The following NTRK1 variants were observed in gnomAD, a reference collection of about 807,000 sequenced individuals.
NTRK1 encodes high affinity nerve growth factor receptor.
NTRK1 carries 62 observed loss-of-function variants against 86.8 expected under a neutral mutation model. The ratio of observed to expected loss-of-function variants is 0.71; its 90% confidence interval spans 0.58 to 0.88. The LOEUF (loss-of-function observed/expected upper bound fraction) is 0.88, where lower values mean the gene tolerates loss of function less well. Among genes scored for constraint, NTRK1 ranks in the 40% least tolerant of loss-of-function variants. The pLI is 0.00. For synonymous variants in NTRK1, 469 were observed against 456.6 expected, an observed-to-expected ratio of 1.03 and a Z score of -0.35; for missense variants, 967 against 1,078.4, an observed-to-expected ratio of 0.90 and a Z score of 1.45.
chr1:156,869,123 GT>G (rs1408163953), intron 6 of NTRK1, among the ~76,000 whole-genome samples: 27 of 147,510 alleles, frequency 1.8e-4, no homozygotes, highest in African/African-American at 6.8e-4. Context: ...CCAGGCTGGA[GT>G]GCAGTGGCGC....
chr1:156,838,251 A>G (rs1274631411), intron 1 of NTRK1, among the ~76,000 whole-genome samples: 1 of 151,944 alleles, frequency 6.6e-6, no homozygotes, highest in African/African-American at 2.4e-5. Flanking sequence ...TATGAGATCC[A>G]TAGTCCCCAG....
At chr1:156,876,345 A>C (rs2102918731) in intron 13 of NTRK1, 55 bp from the exon 14 acceptor site, 1 of 1,611,344 alleles carries the variant, frequency 6.2e-7, no homozygotes, top group South Asian at 1.1e-5. Flanking sequence ...CCCTGGGTGA[A>C]CAGCAGTGAG....
chr1:156,821,572 G>A (rs1486350892), intron 1 of NTRK1, among the ~76,000 whole-genome samples: 1 of 151,914 alleles, frequency 6.6e-6, no homozygotes, highest in Admixed American at 6.6e-5. Context: ...AAGAAGGTGG[G>A]GAAAGGTGTT....
At chr1:156,865,722 G>A (rs1271161268) in intron 3 of NTRK1, among the ~76,000 whole-genome samples, 29 of 152,174 alleles carry the variant, frequency 1.9e-4, no homozygotes, top group Admixed American at 1.9e-3. Context: ...GGATGGGCAG[G>A]AGAGACTATC....
At chr1:156,817,047 T>TTCTCTCTCCCTCTCTCTCTCTCTC (rs1654010284) in intron 1 of NTRK1, among the ~76,000 whole-genome samples, 1 of 113,782 alleles carries the variant, frequency 8.8e-6, no homozygotes, top group Non-Finnish European at 1.8e-5. Context: ...GAACTTCCCT[T>TTCTCTCTCCCTCTCTCTCTCTCTC]TCTCTCTCTC....
At chr1:156,866,650 C>A (rs893149992) in intron 3 of NTRK1, among the ~76,000 whole-genome samples, 1 of 152,122 alleles carries the variant, frequency 6.6e-6, no homozygotes, top group African/African-American at 2.4e-5. Context: ...TCCCTCAGAT[C>A]CCCCTCCCTG....
Position 156,879,282 on chromosome 1 carries a change from T to C in NTRK1, c.1966T>C (p.Cys656Arg). The C allele has an allele frequency of 6.2e-7, 1 of 1,613,786 alleles. No individual in the cohort carries two copies. The highest frequency in any genetic ancestry group is 8.5e-7 in the Non-Finnish European group (1 of 1,180,014). The change falls in exon 15 of 17, where the codon TGT becomes CGT. Residue 656 changes from cysteine (C) to arginine (R), a missense_variant. Transcript: ENST00000524377. ...FVHRDLATRN[C>R]LVGQGLVVKI... Reference sequence around the variant, plus strand: ...GCACCGGGACCTGGCCACACGCAACTGTCTAGTGGGCCAGGGACTGGTGGT... The same window carrying C: ...GCACCGGGACCTGGCCACACGCAACCGTCTAGTGGGCCAGGGACTGGTGGT...
rs777003922 is a variant in NTRK1 at position 156,881,614 on chromosome 1, C to G, written c.2363C>G (p.Pro788Arg). 1 of 1,610,028 alleles carries G rather than the reference C, an allele frequency of 6.2e-7. No individual in the cohort carries two copies. The highest frequency in any genetic ancestry group is 1.1e-5 in the South Asian group (1 of 90,322). ...HARLQALAQA[P>R]PVYLDVLG ...CGGCTGCAAGCCCTGGCCCAGGCACCTCCTGTCTACCTGGATGTCCTGGGC... is the reference window on the plus strand; with the variant it reads ...CGGCTGCAAGCCCTGGCCCAGGCACGTCCTGTCTACCTGGATGTCCTGGGC... Residue 788 changes from proline to arginine, a missense_variant, in exon 17 of 17, where the codon CCT (proline) becomes CGT (arginine). Pro to Arg is a moderately radical substitution (Grantham distance 103). Coordinates refer to ENST00000524377, the MANE Select transcript of NTRK1 (RefSeq NM_002529.4).
rs1647931908 is a variant in NTRK1, at chr1:156,876,568, C to T, written c.1801C>T (p.Leu601Phe). 2 of 1,611,646 alleles carry T rather than the reference C, an allele frequency of 1.2e-6. No individual in the cohort carries two copies. Among genetic ancestry groups the T allele is most frequent in the Non-Finnish European group, 1.7e-6 (2 of 1,179,518 alleles). ...GCGGCACGGGGACCTCAACCGCTTC[C>T]TCCGGTACCAGCACCTGGCCTCAGC... ...YMRHGDLNRF[L>F]RSHGPDAKLL... is the part of the protein sequence containing the mutation. Residue 601 changes from leucine to phenylalanine, a missense_variant, in exon 14 of 17, where the codon CTC becomes TTC. By Grantham distance (22) the Leu-to-Phe change is conservative. Around this residue, in one of 2 missense-constraint regions of NTRK1, gnomAD observed 637 missense variants for 776.5 expected, o/e 0.82. Coordinates refer to ENST00000524377, the MANE Select transcript of NTRK1 (RefSeq NM_002529.4).
rs2102917321 is a variant in NTRK1, at chr1:156,876,114, C to A, written c.1536C>A (p.Leu512=). The part of the protein sequence containing the change: ...VHHIKRRDIV[L]KWELGEGAFG... ...ACATCAAGCGCCGGGACATCGTGCT[C>A]AAGTGGGAGCTGGGGGAGGGCGCCT... The change falls in exon 13 of 17, where the codon CTC becomes CTA. Residue 512 remains leucine (L), a synonymous_variant. Transcript: ENST00000524377. 1 of 1,614,184 alleles carries A rather than the reference C, an allele frequency of 6.2e-7. No homozygotes were observed. The highest frequency in any genetic ancestry group is 8.5e-7 in the Non-Finnish European group (1 of 1,180,022).
intron 1 of NTRK1, among the ~76,000 whole-genome samples, chr1:156,831,101 G>T (rs563839668): frequency 6.6e-6 from 1 of 152,200 alleles, no homozygotes; most frequent in Non-Finnish European, 1.5e-5. Flanking sequence ...AGGGGCTTAC[G>T]TCCTAGAGAG....
intron 2 of NTRK1, chr1:156,844,148 G>T: frequency 1.3e-6 from 2 of 1,526,586 alleles, no homozygotes. Flanking sequence ...AGAAAAGGGG[G>T]TGGGGACCGG....
intron 12 of NTRK1, 146 bp from the exon 13 acceptor site, chr1:156,875,934 G>A: frequency 1.5e-6 from 2 of 1,300,590 alleles, no homozygotes. Context: ...GGGGCTTGCT[G>A]AAGGGGTGCA....
At chr1:156,872,087 G>C (rs778728785) in intron 7 of NTRK1, among the ~76,000 whole-genome samples, 3 of 152,056 alleles carry the variant, frequency 2.0e-5, no homozygotes, top group African/African-American at 7.3e-5. Flanking sequence ...CCGCATCCTA[G>C]TTTCAAAAGA....
chr1:156,875,429 C>A (rs2102914636), intron 11 of NTRK1, 91 bp from the exon 12 acceptor site: 1 of 1,546,896 alleles, frequency 6.5e-7, no homozygotes, highest in Non-Finnish European at 8.9e-7. Flanking sequence ...CTGCAAGTTA[C>A]AAGGTGGGGG....
chr1:156,851,053 T>C (rs556858690), intron 2 of NTRK1: 4 of 569,062 alleles, frequency 7.0e-6, no homozygotes, highest in East Asian at 6.3e-5. Flanking sequence ...CATTGTTTTA[T>C]GTGCTTTACA....
In NTRK1 at chr1:156,868,573, T is replaced by C; in HGVS notation, c.643T>C (p.Cys215Arg). The C allele has an allele frequency of 6.4e-7, 1 of 1,554,334 alleles. No individual in the cohort carries two copies. The highest frequency in any genetic ancestry group is 8.7e-7 in the Non-Finnish European group (1 of 1,148,554). Residue 215 changes from cysteine to arginine, a missense_variant, in exon 6 of 17, where the codon TGC becomes CGC. Physicochemically the swap from Cys to Arg is radical, Grantham distance 180. This residue lies in a region of NTRK1 where 330 missense variants were observed against 302.0 expected (regional missense o/e 1.09). Transcript: ENST00000524377. ...VDVGDDVLLR[C>R]QVEGRGLEQA... ...TGTGGGGGACGACGTGCTGCTGCGGTGCCAGGTGGAGGGGCGGGGCCTGGA... is the reference window on the plus strand; with the variant it reads ...TGTGGGGGACGACGTGCTGCTGCGGCGCCAGGTGGAGGGGCGGGGCCTGGA...
chr1:156,856,312 T>C (rs191716618), upstream of NTRK1, among the ~76,000 whole-genome samples: 2 of 152,244 alleles, frequency 1.3e-5, no homozygotes, highest in Non-Finnish European at 2.9e-5. Flanking sequence ...AATGAATGAG[T>C]GAATTCTGTG....
chr1:156,861,819 G>C (rs1655665840), intron 1 of NTRK1, among the ~76,000 whole-genome samples: 1 of 152,188 alleles, frequency 6.6e-6, no homozygotes, highest in Admixed American at 6.5e-5. Context: ...CAGGGCCCTT[G>C]CTGAGAGACC....
Sources: allele counts gnomAD v4.1 joint callset (sites outside exome capture counted in the v4.1 genomes callset), GRCh38; gene constraint gnomAD v4.1.1; regional missense constraint gnomAD v4.1.1; transcripts MANE v1.5; gene names NCBI Gene and HGNC (gene_info 2026-07-23, HGNC 2026-07-21).